NCR1: variants seen among roughly 807,000 people sequenced by gnomAD.
NCR1 encodes the protein NK cell-activating receptor.
A neutral mutation model predicts 32.5 loss-of-function variants in NCR1; 30 were observed. The observed-to-expected ratio is 0.92, with a 90% confidence interval of 0.69 to 1.25. The LOEUF (loss-of-function observed/expected upper bound fraction) is 1.25, where lower values mean the gene tolerates loss of function less well. Among genes scored for constraint, NCR1 ranks in the 50% most tolerant of loss-of-function variants. The pLI is 0.00. For missense variants in NCR1, 369 were observed against 380.7 expected, an observed-to-expected ratio of 0.97 and a Z score of 0.26; for synonymous variants, 169 against 143.4, an observed-to-expected ratio of 1.18 and a Z score of -1.28.
At chr19:54,933,793 A>C in the NCR1 span, 1 of 1,471,940 alleles carries the variant, frequency 6.8e-7, no homozygotes, top group Non-Finnish European at 9.5e-7. Context: ...CACAACTCCA[A>C]CCTGCTCAGT....
chr19:54,935,050 C>T, the NCR1 span, among the ~76,000 whole-genome samples: 1 of 152,090 alleles, frequency 6.6e-6, no homozygotes, highest in Non-Finnish European at 1.5e-5. Flanking sequence ...TGGTTTATCT[C>T]ATTCTACTCA....
chr19:54,936,136 C>A, the NCR1 span: 1 of 823,698 alleles, frequency 1.2e-6, no homozygotes, highest in Non-Finnish European at 2.0e-6. Flanking sequence ...CCACACAGGC[C>A]TGTTTGAGGA....
At chr19:54,930,768 T>A in the NCR1 span, 4 of 961,492 alleles carry the variant, frequency 4.2e-6, no homozygotes, top group South Asian at 5.3e-5. Context: ...TATACTGGAA[T>A]GCAGTGCTGC....
rs1433590451 is a variant in NCR1, at chr19:54,906,162, A to C, written c.-26A>C. On this transcript the variant is annotated 5_prime_UTR_variant, in exon 1 of 7. Coordinates refer to ENST00000291890, the MANE Select transcript of NCR1 (RefSeq NM_004829.7). ...CCGCCCGGCTCAGTCCCCACTGCTC[A>C]GCACTAGGCCGGCAGAATCTGAGCG... is the stretch of plus-strand genomic sequence containing the variant. The C allele has an allele frequency of 2.5e-6, 4 of 1,614,066 alleles. No individual in the cohort carries two copies. The highest frequency in any genetic ancestry group is 2.2e-5 in the South Asian group (2 of 91,086).
At chr19:54,909,695 G>C (rs1277510581) in intron 4 of NCR1, among the ~76,000 whole-genome samples, 172 bp downstream of exon 4, 1 of 152,122 alleles carries the variant, frequency 6.6e-6, no homozygotes, top group Non-Finnish European at 1.5e-5. Flanking sequence ...AACAGAGAAA[G>C]GAATGGTAAG....
chr19:54,917,771 C>T (rs765781065), downstream of NCR1, among the ~76,000 whole-genome samples: 2 of 152,118 alleles, frequency 1.3e-5, no homozygotes, highest in Non-Finnish European at 2.9e-5. Flanking sequence ...GGGTGCTGCT[C>T]AGCTTCCTAC....
the NCR1 span, among the ~76,000 whole-genome samples, chr19:54,901,146 C>T: frequency 1.5e-4 from 9 of 59,630 alleles, no homozygotes; most frequent in Admixed American, 3.2e-4. Context: ...AAAGATTACC[C>T]GGACGTGGTG....
the NCR1 span, chr19:54,930,780 C>T: frequency 2.3e-6 from 2 of 882,124 alleles, no homozygotes; most frequent in Non-Finnish European, 3.7e-6. Flanking sequence ...CAGTGCTGCA[C>T]TCTTGGCTCA....
chr19:54,928,151 C>T, the NCR1 span, among the ~76,000 whole-genome samples: 825 of 152,134 alleles, frequency 5.4e-3, 5 homozygotes, highest in African/African-American at 0.019. Context: ...GCCTGGGAGG[C>T]GGAGGTTACA....
At chr19:54,909,019 T>G (rs982302233) in intron 3 of NCR1, among the ~76,000 whole-genome samples, 2 of 145,810 alleles carry the variant, frequency 1.4e-5, no homozygotes, top group Non-Finnish European at 1.5e-5. Context: ...AAAAAAAAGC[T>G]GGCTGCCAGG....
downstream of NCR1, among the ~76,000 whole-genome samples, chr19:54,914,144 A>T (rs2068083321): frequency 6.7e-6 from 1 of 148,630 alleles, no homozygotes; most frequent in Admixed American, 6.7e-5. Flanking sequence ...CTAACCACAG[A>T]ATTATTCCAT....
chr19:54,935,228 GA>G, the NCR1 span, among the ~76,000 whole-genome samples: 6,610 of 19,570 alleles, frequency 0.34, 464 homozygotes, highest in African/African-American at 0.41. Context: ...TTGCAGGGGG[GA>G]AAAAAAAATT....
At chr19:54,909,616 G>A (rs2067851739) in intron 4 of NCR1, 93 bp downstream of exon 4, 1 of 1,451,804 alleles carries the variant, frequency 6.9e-7, no homozygotes, top group Non-Finnish European at 9.2e-7. Flanking sequence ...GGGTGTCCAA[G>A]GGACGTCCAC....
chr19:54,930,335 G>A, the NCR1 span, among the ~76,000 whole-genome samples: 1 of 151,074 alleles, frequency 6.6e-6, no homozygotes, highest in African/African-American at 2.4e-5. Flanking sequence ...GGTAATACAT[G>A]CCTGTAGAGC....
chr19:54,934,445 C>T, the NCR1 span: 1 of 1,601,580 alleles, frequency 6.2e-7, no homozygotes, highest in South Asian at 1.1e-5. This position sits in a 1 kb window ranked among gnomAD's most constrained non-coding sequence, Gnocchi z 6.7. Context: ...TCTTCTATAG[C>T]CCCAGAACTA....
rs757548753 is a variant in NCR1, at chr19:54,912,898, T to C, written c.*27T>C. 8 of 1,604,306 alleles carry C rather than the reference T, an allele frequency of 5.0e-6. No individual in the cohort carries two copies. Among genetic ancestry groups the C allele is most frequent in the Admixed American group, 1.7e-5 (1 of 59,084 alleles). On this transcript the variant is annotated 3_prime_UTR_variant, in exon 7 of 7. Coordinates refer to ENST00000291890, the MANE Select transcript of NCR1 (RefSeq NM_004829.7). ...GAATGACCATGAGACACAGTGGCCA[T>C]GGGTGGATCTGAAAGCTGGTGTTGA...
At chr19:54,934,938 C>G in the NCR1 span, among the ~76,000 whole-genome samples, 1 of 152,158 alleles carries the variant, frequency 6.6e-6, no homozygotes. This position sits in a 1 kb window ranked among gnomAD's most constrained non-coding sequence, Gnocchi z 6.7. Context: ...CTCAGGTGAT[C>G]CACCCACCTT....
chr19:54,898,951 T>C, the NCR1 span, among the ~76,000 whole-genome samples: 19 of 151,816 alleles, frequency 1.3e-4, no homozygotes, highest in Admixed American at 7.9e-4. Context: ...TGAGGAAGAA[T>C]TGGGACCCAG....
chr19:54,932,407 G>A, the NCR1 span, among the ~76,000 whole-genome samples: 6 of 143,952 alleles, frequency 4.2e-5, no homozygotes, highest in Non-Finnish European at 7.5e-5. Flanking sequence ...CAGTCTGGGC[G>A]ACAGAGTGAG....
Sources: allele counts gnomAD v4.1 joint callset (sites outside exome capture counted in the v4.1 genomes callset), GRCh38; gene constraint gnomAD v4.1.1; non-coding constraint Gnocchi (gnomAD v3.1); transcripts MANE v1.5; gene names NCBI Gene and HGNC (gene_info 2026-07-23, HGNC 2026-07-21).